Variants in ATIC observed in about 807,000 individuals in gnomAD.
ATIC encodes the protein 5-aminoimidazole-4-carboxamide ribonucleotide formyltransferase/IMP cyclohydrolase, also known as bifunctional purine biosynthesis protein ATIC.
A neutral mutation model predicts 72.5 loss-of-function variants in ATIC; 64 were observed. The observed-to-expected ratio is 0.88, with a 90% confidence interval of 0.72 to 1.09. The LOEUF (loss-of-function observed/expected upper bound fraction) is 1.09, where lower values mean the gene tolerates loss of function less well. Ranked by LOEUF, ATIC falls within the 50% of genes least tolerant of loss-of-function variation. The probability of loss-of-function intolerance (pLI) is 0.00; values close to 1 mark genes in which losing one functional copy is unlikely to be tolerated. For missense variants in ATIC, 787 were observed against 732.4 expected (o/e 1.07, Z -0.86); for synonymous variants, 281 against 267.1 (o/e 1.05, Z -0.51).
chr2:215,367,794 G>T, the ATIC span: 4 of 1,487,506 alleles, frequency 2.7e-6, no homozygotes, highest in African/African-American at 5.5e-5. Flanking sequence ...ATGCTTCCTT[G>T]GCACATGAGT....
chr2:215,313,610 T>C (rs2052678687), intron 2 of ATIC, among the ~76,000 whole-genome samples: 1 of 152,200 alleles, frequency 6.6e-6, no homozygotes, highest in African/African-American at 2.4e-5. Flanking sequence ...ATGAAGGATA[T>C]CTGTCTGCTT....
At chr2:215,350,011 A>G (rs921363180), downstream of ATIC, among the ~76,000 whole-genome samples, 3 of 152,206 alleles carry the variant, frequency 2.0e-5, no homozygotes, top group African/African-American at 7.2e-5. Flanking sequence ...CCCATCTTAA[A>G]GGTGGAGTAT....
In ATIC at chr2:215,349,690, G is replaced by A; in HGVS notation, c.*35G>A. 6.2e-7 allele frequency: 1 copy of A among 1,614,102 alleles called. No homozygotes were observed. Among genetic ancestry groups the A allele is most frequent in the African/African-American group, 1.3e-5 (1 of 75,018 alleles). On this transcript the variant is annotated 3_prime_UTR_variant, in exon 16 of 16. Coordinates refer to ENST00000236959, the MANE Select transcript of ATIC (RefSeq NM_004044.7). ...ACACTGTTTTTTGGCTTGCTTATGT[G>A]TAGGTGAACAGTCACGCCTGAAACT... is the stretch of plus-strand genomic sequence containing the variant.
At chr2:215,341,419 C>G (rs946943551) in intron 12 of ATIC, among the ~76,000 whole-genome samples, 1 of 152,136 alleles carries the variant, frequency 6.6e-6, no homozygotes, top group Non-Finnish European at 1.5e-5. Context: ...TTTTGTGCCT[C>G]TGGATATTTT....
chr2:215,339,735 C>T (rs906576511), intron 12 of ATIC, among the ~76,000 whole-genome samples: 45 of 149,054 alleles, frequency 3.0e-4, no homozygotes, highest in Admixed American at 7.4e-4. Context: ...CCCGGGTTCA[C>T]GCCATTCTCC....
chr2:215,325,840 C>T, intron 5 of ATIC, 147 bp from the exon 6 acceptor site: 1 of 959,950 alleles, frequency 1.0e-6, no homozygotes. Flanking sequence ...TGCTGGGATT[C>T]CAGGCATGAG....
rs1016650597 is a variant in ATIC at position 215,348,688 on chromosome 2, C to T, written c.1504-406C>T. 43 of 422,008 alleles carry T rather than the reference C, an allele frequency of 1.0e-4. No homozygotes were observed. The Middle Eastern group carries it at 1.7e-3, about 17-fold the overall frequency. 26.1% of individuals were successfully genotyped at this position (422,008 alleles called of 1,614,324 possible). Reference sequence around the variant, plus strand: ...TTACAATTAAGAAATCCTGGCCGGGCGCGGTGGCTCATGCCTATAATCCCA... The same window carrying T: ...TTACAATTAAGAAATCCTGGCCGGGTGCGGTGGCTCATGCCTATAATCCCA... On this transcript the variant is annotated intron_variant, in intron 14 of 15. Coordinates refer to ENST00000236959, the MANE Select transcript of ATIC (RefSeq NM_004044.7).
Position 215,346,911 on chromosome 2 carries a change from C to T in ATIC, c.1473C>T (p.Ile491=), listed in dbSNP as rs775720376. 5.6e-6 allele frequency: 9 copies of T among 1,614,108 alleles called. No individual in the cohort carries two copies. The highest frequency in any genetic ancestry group is 7.6e-6 in the Non-Finnish European group (9 of 1,180,010). The change falls in exon 14 of 16, where the codon ATC becomes ATT. Residue 491 remains isoleucine (I), a synonymous_variant. Coordinates refer to ENST00000236959, the MANE Select transcript of ATIC (RefSeq NM_004044.7). ...AGAGAGCAGAAATCTCCAATGCCATCGATCAATATGTGACTGGAACCATTG... is the reference window on the plus strand; with the variant it reads ...AGAGAGCAGAAATCTCCAATGCCATTGATCAATATGTGACTGGAACCATTG... ...GVKRAEISNA[I]DQYVTGTIGE...
At chr2:215,365,321 C>T in the ATIC span, among the ~76,000 whole-genome samples, 3 of 152,204 alleles carry the variant, frequency 2.0e-5, no homozygotes, top group Non-Finnish European at 2.9e-5. Context: ...CCTGTAATAA[C>T]ATTAAATCAT....
intron 7 of ATIC, among the ~76,000 whole-genome samples, chr2:215,327,684 A>T (rs762325861): frequency 6.6e-6 from 1 of 152,110 alleles, no homozygotes. Flanking sequence ...CCCAAGCACT[A>T]CCGGTGCAGC....
the ATIC span, chr2:215,367,873 A>G: frequency 1.2e-6 from 2 of 1,614,062 alleles, no homozygotes; most frequent in South Asian, 1.1e-5. Flanking sequence ...TAGATGAATC[A>G]CATCTGAAAT....
chr2:215,331,682 C>T (rs1473275026), intron 7 of ATIC, among the ~76,000 whole-genome samples: 3 of 151,996 alleles, frequency 2.0e-5, no homozygotes, highest in African/African-American at 7.2e-5. Context: ...GTACCCGGCT[C>T]ATTTTTGTTT....
At position 215,326,921 on chromosome 2, in the gene ATIC, A is replaced by G; in HGVS notation, c.631A>G (p.Asn211Asp). 6.2e-7 allele frequency: 1 copy of G among 1,614,204 alleles called. No homozygotes were observed. Among genetic ancestry groups the G allele is most frequent in the Non-Finnish European group, 8.5e-7 (1 of 1,180,042 alleles). ...TCAGATGCCCTTGAGATATGGAATG[A>G]ACCCACATCAGACCCCTGCCCAGCT... The part of the protein sequence containing the change: ...VSQMPLRYGM[N>D]PHQTPAQLYT... The change falls in exon 7 of 16, where the codon AAC becomes GAC. Residue 211 changes from asparagine to aspartate, a missense_variant. By Grantham distance (23) the Asn-to-Asp change is conservative. Coordinates refer to ENST00000236959, the MANE Select transcript of ATIC (RefSeq NM_004044.7).
chr2:215,336,068 G>A lies in ATIC; in HGVS notation c.1042G>A (p.Glu348Lys). The A allele has an allele frequency of 6.2e-7, 1 of 1,612,842 alleles. No individual in the cohort carries two copies. Among genetic ancestry groups the A allele is most frequent in the Non-Finnish European group, 8.5e-7 (1 of 1,179,290 alleles). The stretch of plus-strand genomic sequence containing the variant: ...TGGTATAATTGCCCCAGGATATGAA[G>A]AAGAAGCCTTGACAATACTTTCCAA... ...SDGIIAPGYE[E>K]EALTILSKKK... Residue 348 changes from glutamate to lysine, a missense_variant, in exon 11 of 16, where the codon GAA becomes AAA. Physicochemically the swap from Glu to Lys is moderately conservative, Grantham distance 56. Coordinates refer to ENST00000236959, the MANE Select transcript of ATIC (RefSeq NM_004044.7).
chr2:215,325,646 T>C (rs1191803153), intron 5 of ATIC, among the ~76,000 whole-genome samples: 2 of 152,188 alleles, frequency 1.3e-5, no homozygotes, highest in Admixed American at 6.5e-5. Flanking sequence ...GACTGCAACC[T>C]CTGCCTCCTG....
At position 215,346,821 on chromosome 2, in the gene ATIC, G is replaced by A; in HGVS notation, c.1383G>A (p.Lys461=). 5 of 1,614,184 alleles carry A rather than the reference G, an allele frequency of 3.1e-6. No individual in the cohort carries two copies. The highest frequency in any genetic ancestry group is 4.2e-6 in the Non-Finnish European group (5 of 1,180,046). ...RIHCTRLAGD[K]ANYWWLRHHP... ...ACTGCACTCGCCTTGCAGGAGATAA[G>A]GCAAACTATTGGTGGCTTAGACACC... Residue 461 remains lysine, a synonymous_variant, in exon 14 of 16, where the codon AAG becomes AAA. Coordinates refer to ENST00000236959, the MANE Select transcript of ATIC (RefSeq NM_004044.7).
chr2:215,317,914 T>G (rs1559266418), intron 2 of ATIC, among the ~76,000 whole-genome samples: 1 of 152,242 alleles, frequency 6.6e-6, no homozygotes, highest in Admixed American at 6.5e-5. Flanking sequence ...ACCAGTGCTG[T>G]AGTAGTTACC....
Position 215,312,134 on chromosome 2 carries a change from C to T in ATIC, c.-9C>T. On this transcript the variant is annotated 5_prime_UTR_variant, in exon 1 of 16. Transcript: ENST00000236959. ...CCTCCCGCTCGCCCTGAACCCAGTG[C>T]CTGCAGCCATGGCTCCCGGCCAGCT... is the stretch of plus-strand genomic sequence containing the variant. 1.3e-6 allele frequency: 2 copies of T among 1,527,392 alleles called. No individual in the cohort carries two copies. Among genetic ancestry groups the T allele is most frequent in the Non-Finnish European group, 8.7e-7 (1 of 1,143,828 alleles). 94.6% of individuals were successfully genotyped at this position (1,527,392 alleles called of 1,614,324 possible).
chr2:215,356,459 T>G, the ATIC span, among the ~76,000 whole-genome samples: 1 of 152,250 alleles, frequency 6.6e-6, no homozygotes, highest in African/African-American at 2.4e-5. Context: ...AGATAAAATT[T>G]ATGTAACGTA....
Sources: gnomAD v4.1 joint callset for allele counts (sites outside exome capture counted in the v4.1 genomes callset) on GRCh38, gnomAD v4.1.1 for gene constraint, MANE v1.5 for transcripts, NCBI Gene and HGNC (gene_info 2026-07-23, HGNC 2026-07-21) for gene names.